FXYD3: variants seen among roughly 807,000 people sequenced by gnomAD.
FXYD3 encodes FXYD domain-containing ion transport regulator 3.
In FXYD3, 13 loss-of-function variants were observed where a neutral mutation model predicts 19.2. The ratio of observed to expected loss-of-function variants is 0.68; its 90% CI spans 0.44 to 1.08. The LOEUF is 1.08. FXYD3 is among the 50% of genes least tolerant of loss of function. The pLI is 0.00. For synonymous variants in FXYD3, 48 were observed against 38.9 expected (o/e 1.23, Z -0.87); for missense variants, 101 against 109.4 (o/e 0.92, Z 0.34).
rs576995141 is a variant in FXYD3, at chr19:35,118,877, G to A, written c.-14-486G>A. Among the ~76,000 whole-genome samples the A allele has an allele frequency of 8.5e-5, 13 of 152,290 alleles. No homozygotes were observed. In the East Asian group the frequency reaches 1.4e-3, roughly 16 times the overall value. On this transcript the variant is annotated intron_variant, in intron 2 of 8. Transcript: ENST00000604404. ...GCCGGGCAGGCTCTGAGCGGTCTAC[G>A]GAGACACTCCTGGGAAGCGGGCCTC...
rs1185335262 is a variant in FXYD3 at position 35,119,680 on chromosome 19, T to TA, written c.40+264_40+265insA. On this transcript the variant is annotated intron_variant, in intron 3 of 8. Coordinates refer to ENST00000604404, the MANE Select transcript of FXYD3 (RefSeq NM_005971.4). ...CTTTTTTTGTTTTTGTTTTTGTTTT[T>TA]GTTTTTGTTTTTGAAAGGGAGTCTC... is the stretch of plus-strand genomic sequence containing the variant. 6 of 430,404 alleles carry TA rather than the reference T, an allele frequency of 1.4e-5. No individual in the cohort carries two copies. In the African/African-American group the frequency reaches 1.6e-4, roughly 11 times the overall value. 26.7% of individuals were successfully genotyped at this position (430,404 alleles called of 1,614,324 possible). A position where few individuals can be genotyped will look rare whatever the true frequency, so the allele number is the denominator to read the frequency against.
Position 35,119,601 on chromosome 19 carries a change from A to G in FXYD3, c.40+185A>G, listed in dbSNP as rs2064988755. 6.8e-6 allele frequency: 4 copies of G among 588,962 alleles called. No homozygotes were observed. In the African/African-American group the frequency reaches 7.5e-5, roughly 11 times the overall value. The allele number at this position is 588,962 out of a possible 1,614,324, so 36.5% of individuals were successfully genotyped here. A position where few individuals can be genotyped will look rare whatever the true frequency, so the allele number is the denominator to read the frequency against. On this transcript the variant is annotated intron_variant, in intron 3 of 8. Coordinates refer to ENST00000604404, the MANE Select transcript of FXYD3 (RefSeq NM_005971.4). The stretch of plus-strand genomic sequence containing the variant: ...GGATACACGAGAAGAGCTGGCTCAC[A>G]CAGCTGGAAAGTCACCGTCTTCCCC...
chr19:35,119,347 C>G lies in FXYD3; in HGVS notation c.-14-16C>G. On this transcript the variant is annotated splice_polypyrimidine_tract_variant and intron_variant, in intron 2 of 8. Transcript: ENST00000604404. ...CGGTGGCTCTGCTAAGGCCAGACCT[C>G]CCGCCACCCCTCTAGGCCAGCGCTC... 6.2e-7 allele frequency: 1 copy of G among 1,613,976 alleles called. No homozygotes were observed. Among genetic ancestry groups the G allele is most frequent in the Non-Finnish European group, 8.5e-7 (1 of 1,179,852 alleles).
At chr19:35,120,376 G>C (rs958414840) in intron 3 of FXYD3, among the ~76,000 whole-genome samples, 5 of 152,106 alleles carry the variant, frequency 3.3e-5, no homozygotes, top group Non-Finnish European at 5.9e-5. Context: ...CTGACCTCAA[G>C]TGATCCTCCT....
At chr19:35,117,757 C>CAAAA (rs67977522) in intron 2 of FXYD3, among the ~76,000 whole-genome samples, 3,979 of 65,792 alleles carry the variant, frequency 0.06, 247 homozygotes, top group Admixed American at 0.096. Context: ...TTTCTTCCCG[C>CAAAA]AAAAAAAGGA....
intron 3 of FXYD3, among the ~76,000 whole-genome samples, chr19:35,120,659 G>A (rs113673936): frequency 6.6e-6 from 1 of 152,238 alleles, no homozygotes; most frequent in African/African-American, 2.4e-5. Flanking sequence ...CACCAGACCA[G>A]GTGGGTGTGG....
intron 3 of FXYD3, chr19:35,119,627 A>G: frequency 3.6e-6 from 2 of 556,620 alleles, no homozygotes; most frequent in Non-Finnish European, 6.4e-6. Flanking sequence ...CGTCTTCCCC[A>G]TTCTCTCGAT....
intron 2 of FXYD3, chr19:35,116,664 T>G: frequency 3.0e-6 from 3 of 985,008 alleles, no homozygotes; most frequent in Non-Finnish European, 3.6e-6. Flanking sequence ...TGGGGATAGC[T>G]GGGTGGAGGA....
chr19:35,120,243 G>A (rs1302704464), intron 3 of FXYD3, among the ~76,000 whole-genome samples: 5 of 151,650 alleles, frequency 3.3e-5, no homozygotes, highest in Middle Eastern at 3.4e-3. Context: ...AGGTTCAAGC[G>A]ACTCTCCTGC....
intron 3 of FXYD3, chr19:35,119,642 TC>T (rs2064990216): frequency 2.1e-6 from 1 of 473,914 alleles, no homozygotes. Flanking sequence ...CTCGATCTCT[TC>T]TTTTTTTTTG....
At chr19:35,118,406 G>T in intron 2 of FXYD3, 1 of 864,706 alleles carries the variant, frequency 1.2e-6, no homozygotes, top group Non-Finnish European at 1.4e-6. Flanking sequence ...TCAGCATTTG[G>T]GCAGGGACAG....
intron 7 of FXYD3, 133 bp from the exon 8 acceptor site, chr19:35,123,138 G>T: frequency 2.0e-6 from 3 of 1,481,200 alleles, no homozygotes; most frequent in Non-Finnish European, 2.7e-6. Flanking sequence ...AAATGCTTTG[G>T]CCCCTGGGAT....
intron 2 of FXYD3, 41 bp from the exon 3 acceptor site, chr19:35,119,322 C>A: frequency 6.2e-7 from 1 of 1,609,376 alleles, no homozygotes; most frequent in Admixed American, 1.7e-5. Flanking sequence ...GCCAGCCTCC[C>A]GGTGGCTCTG....
intron 7 of FXYD3, 140 bp downstream of exon 7, chr19:35,123,094 C>T (rs2065083759): frequency 1.4e-6 from 2 of 1,457,882 alleles, no homozygotes; most frequent in African/African-American, 2.9e-5. Context: ...TTTATTGTTT[C>T]TAGCTGGTAA....
intron 3 of FXYD3, among the ~76,000 whole-genome samples, chr19:35,120,629 C>T (rs2065020446): frequency 6.6e-6 from 1 of 152,220 alleles, no homozygotes; most frequent in Non-Finnish European, 1.5e-5. Context: ...AATAGTGAGT[C>T]ATTTTCAATG....
At chr19:35,116,511 C>T (rs528242263) in intron 2 of FXYD3, 152 bp downstream of exon 2, 77 of 985,424 alleles carry the variant, frequency 7.8e-5, no homozygotes, top group East Asian at 5.7e-4. Flanking sequence ...AGGAGATAAA[C>T]GGAAGTCCCT....
At chr19:35,118,412 G>C in intron 2 of FXYD3, 1 of 905,252 alleles carries the variant, frequency 1.1e-6, no homozygotes, top group Non-Finnish European at 1.3e-6. Context: ...TTTGGGCAGG[G>C]ACAGGGCAGG....
intron 5 of FXYD3, 137 bp from the exon 6 acceptor site, chr19:35,122,628 A>AT (rs776886386): frequency 1.4e-6 from 1 of 692,464 alleles, no homozygotes; most frequent in Non-Finnish European, 2.5e-6. Context: ...AGCACCTGGG[A>AT]TTTTGTCTGT....
At chr19:35,123,250 T>C in intron 7 of FXYD3, 21 bp from the exon 8 acceptor site, 1 of 1,573,672 alleles carries the variant, frequency 6.4e-7, no homozygotes, top group Non-Finnish European at 8.6e-7. Flanking sequence ...GACACCAATC[T>C]CACCACTTTT....
Sources: gnomAD v4.1 joint callset for allele counts (sites outside exome capture counted in the v4.1 genomes callset) on GRCh38, gnomAD v4.1.1 for gene constraint, MANE v1.5 for transcripts, NCBI Gene and HGNC (gene_info 2026-07-23, HGNC 2026-07-21) for gene names.